The following PIAS2 variants were observed in gnomAD, a reference collection of about 807,000 sequenced individuals.
PIAS2 encodes the protein E3 SUMO-protein ligase PIAS2.
Under a neutral mutation model 69.7 loss-of-function variants are expected in PIAS2, and 19 were observed. The observed-to-expected ratio is 0.27, with a 90% CI of 0.19 to 0.40. PIAS2 has a LOEUF of 0.40. PIAS2 is among the 10% of genes least tolerant of loss of function. The probability of loss-of-function intolerance (pLI) is 1.00; values close to 1 mark genes in which losing one functional copy is unlikely to be tolerated. For synonymous variants in PIAS2, 261 were observed against 263.2 expected (o/e 0.99, Z 0.08); for missense variants, 624 against 757.0 (o/e 0.82, Z 2.06).
intron 9 of PIAS2, among the ~76,000 whole-genome samples, chr18:46,830,695 C>T (rs1381513520): frequency 6.6e-6 from 1 of 152,092 alleles, no homozygotes; most frequent in Non-Finnish European, 1.5e-5. Flanking sequence ...CCAAAAGAAA[C>T]AGATAATCTA....
At chr18:46,892,541 C>T (rs116276854) in intron 1 of PIAS2, among the ~76,000 whole-genome samples, 4,677 of 152,130 alleles carry the variant, frequency 0.031, 208 homozygotes, top group African/African-American at 0.1. Context: ...TGGAGGCCAA[C>T]ACAAGAGGAT....
At chr18:46,920,105 C>T (rs1399679452), upstream of PIAS2, 2 of 1,289,322 alleles carry the variant, frequency 1.6e-6, no homozygotes, top group Admixed American at 4.6e-5. Flanking sequence ...TCTGCCCCTT[C>T]CTCAATGTGT....
intron 2 of PIAS2, among the ~76,000 whole-genome samples, chr18:46,865,776 G>C (rs985391965): frequency 1.3e-5 from 2 of 152,138 alleles, no homozygotes; most frequent in Non-Finnish European, 2.9e-5. Context: ...AAAAAGGAGG[G>C]AAGAGGGAGA....
chr18:46,897,102 G>A lies in PIAS2; in HGVS notation c.25-6048C>T, dbSNP rs368503297. On this transcript the variant is annotated intron_variant, in intron 1 of 13. Coordinates refer to ENST00000585916, the MANE Select transcript of PIAS2 (RefSeq NM_004671.5). ...TAACTCAAAAGTTTGCTTGAACAGG[G>A]GAAACTGGGTGTGGGCATGTGGGGA... 1.2e-4 allele frequency among the ~76,000 whole-genome samples: 19 copies of A among 152,254 alleles called. No individual in the cohort carries two copies. In the East Asian group the frequency reaches 3.5e-3, roughly 28 times the overall value.
intron 2 of PIAS2, among the ~76,000 whole-genome samples, chr18:46,880,266 T>TCCCA (rs2051996262): frequency 6.6e-6 from 1 of 152,072 alleles, no homozygotes. Flanking sequence ...GGCATGGTGG[T>TCCCA]GCACACCTGT....
intron 2 of PIAS2, among the ~76,000 whole-genome samples, chr18:46,867,138 T>C (rs1174103692): frequency 2.0e-5 from 3 of 152,176 alleles, no homozygotes. Context: ...TAGTAGTCTG[T>C]GTCATAACAG....
intron 2 of PIAS2, among the ~76,000 whole-genome samples, chr18:46,870,939 A>G (rs542494541): frequency 6.6e-6 from 1 of 152,306 alleles, no homozygotes; most frequent in Non-Finnish European, 1.5e-5. Flanking sequence ...TGGTAATAAA[A>G]GGAATTCAGG....
chr18:46,844,233 T>A, intron 7 of PIAS2, 106 bp from the exon 8 acceptor site: 1 of 461,032 alleles, frequency 2.2e-6, no homozygotes, highest in Middle Eastern at 5.7e-4. Flanking sequence ...CATATTAATG[T>A]ATTGACAACA....
chr18:46,863,674 T>C (rs2048999986), intron 3 of PIAS2, among the ~76,000 whole-genome samples: 3 of 152,186 alleles, frequency 2.0e-5, no homozygotes, highest in African/African-American at 7.2e-5. Context: ...TATTCAAAGG[T>C]TAAAAATTTT....
chr18:46,819,629 T>A (rs1482872259), intron 12 of PIAS2, among the ~76,000 whole-genome samples: 1 of 151,768 alleles, frequency 6.6e-6, no homozygotes, highest in Non-Finnish European at 1.5e-5. Flanking sequence ...AATAAAGACC[T>A]CACTAAGGGG....
At chr18:46,874,349 T>C (rs1434036043) in intron 2 of PIAS2, among the ~76,000 whole-genome samples, 1 of 152,136 alleles carries the variant, frequency 6.6e-6, no homozygotes, top group East Asian at 1.9e-4. Context: ...GTAATGTAGT[T>C]AAGGCATTAA....
chr18:46,896,364 C>A (rs993245972), intron 1 of PIAS2, among the ~76,000 whole-genome samples: 3 of 151,614 alleles, frequency 2.0e-5, no homozygotes, highest in African/African-American at 4.8e-5. Flanking sequence ...TAGAAAAATA[C>A]AAATTACTCC....
At chr18:46,917,039 T>A in intron 1 of PIAS2, 1 of 987,734 alleles carries the variant, frequency 1.0e-6, no homozygotes, top group Non-Finnish European at 1.2e-6. Context: ...GTGCCCCTCC[T>A]GGAGGGCGCC....
chr18:46,816,522 G>T, intron 12 of PIAS2: 2 of 838,838 alleles, frequency 2.4e-6, no homozygotes, highest in Non-Finnish European at 2.9e-6. Flanking sequence ...CTGTTGCCCA[G>T]GCTGGAGTGC....
rs2041053182 is a variant in PIAS2 at position 46,812,320 on chromosome 18, T to C, written c.*113A>G. ...CAGAAAGCAAAAGAATCCATCTGAC[T>C]TTCAATAAATACCAAATTATTAAAA... On this transcript the variant is annotated 3_prime_UTR_variant, in exon 14 of 14. Coordinates refer to ENST00000585916, the MANE Select transcript of PIAS2 (RefSeq NM_004671.5). 1.5e-6 allele frequency: 1 copy of C among 649,438 alleles called. No individual in the cohort carries two copies. The highest frequency in any genetic ancestry group is 2.6e-6 in the Non-Finnish European group (1 of 387,638). The allele number at this position is 649,438 out of a possible 1,614,324, so 40.2% of individuals were successfully genotyped here.
chr18:46,818,023 G>A, intron 12 of PIAS2: 2 of 989,286 alleles, frequency 2.0e-6, no homozygotes, highest in South Asian at 9.4e-5. Context: ...TTTCATGGTT[G>A]AAAATGCTCA....
chr18:46,884,871 C>G (rs990671474), intron 2 of PIAS2, among the ~76,000 whole-genome samples: 5 of 151,314 alleles, frequency 3.3e-5, no homozygotes, highest in African/African-American at 4.9e-5. Flanking sequence ...GAGCTGAGAC[C>G]GTGCCATTGC....
At chr18:46,815,440 A>G in intron 12 of PIAS2, 91 bp from the exon 13 acceptor site, 2 of 1,592,716 alleles carry the variant, frequency 1.3e-6, no homozygotes, top group South Asian at 2.3e-5. Context: ...ATCACAAAAC[A>G]TTTGTGGTAA....
chr18:46,821,340 C>G (rs1483786387), intron 11 of PIAS2, among the ~76,000 whole-genome samples: 1 of 152,118 alleles, frequency 6.6e-6, no homozygotes, highest in African/African-American at 2.4e-5. Flanking sequence ...TGAGATATAA[C>G]ACTTCCATCC....
Sources: gnomAD v4.1 joint callset for allele counts (sites outside exome capture counted in the v4.1 genomes callset) on GRCh38, gnomAD v4.1.1 for gene constraint, MANE v1.5 for transcripts, NCBI Gene and HGNC (gene_info 2026-07-23, HGNC 2026-07-21) for gene names.